Variants in KIAA0825 observed in about 807,000 individuals in gnomAD.
The protein encoded by KIAA0825 is KIAA0825.
A neutral mutation model predicts 147.6 loss-of-function variants in KIAA0825; 119 were observed. The ratio of observed to expected loss-of-function variants is 0.81; its 90% CI spans 0.69 to 0.94. The LOEUF is 0.94. Ranked by LOEUF, KIAA0825 falls within the 40% of genes least tolerant of loss-of-function variation. The pLI is 0.00. For synonymous variants in KIAA0825, 470 were observed against 518.1 expected (o/e 0.91, Z 1.26); for missense variants, 1,381 against 1,472.7 (o/e 0.94, Z 1.02).
chr5:94,387,003 A>G (rs1749242554), intron 18 of KIAA0825, among the ~76,000 whole-genome samples: 1 of 152,220 alleles, frequency 6.6e-6, no homozygotes, highest in Non-Finnish European at 1.5e-5. Context: ...GGCAAAAAAA[A>G]AGCCAATCTA....
At chr5:94,540,346 C>T (rs1584827230) in intron 2 of KIAA0825, among the ~76,000 whole-genome samples, 1 of 152,070 alleles carries the variant, frequency 6.6e-6, no homozygotes, top group African/African-American at 2.4e-5. Context: ...TCAAGATGGC[C>T]CAGCAAACTG....
intron 5 of KIAA0825, among the ~76,000 whole-genome samples, chr5:94,510,280 CT>C (rs1233925308): frequency 6.6e-6 from 1 of 152,118 alleles, no homozygotes; most frequent in African/African-American, 2.4e-5. Flanking sequence ...ATTACTTAGT[CT>C]TTTTTATTTC....
intron 20 of KIAA0825, among the ~76,000 whole-genome samples, chr5:94,255,353 C>T (rs1234739980): frequency 6.6e-6 from 1 of 151,630 alleles, no homozygotes; most frequent in Admixed American, 6.6e-5. Flanking sequence ...CCCTAGATAC[C>T]AAGCATGAAG....
chr5:94,379,324 C>T (rs2150500911), intron 20 of KIAA0825, among the ~76,000 whole-genome samples: 1 of 152,262 alleles, frequency 6.6e-6, no homozygotes, highest in South Asian at 2.1e-4. Context: ...TTGCGTATGG[C>T]TTGCCTGTTA....
intron 2 of KIAA0825, chr5:94,570,200 C>T (rs1779672744): frequency 6.6e-6 from 1 of 152,500 alleles, no homozygotes; most frequent in Non-Finnish European, 1.5e-5. Context: ...AATTACCTTC[C>T]ATCCTTACTA....
At chr5:94,255,097 C>T (rs896587811) in intron 20 of KIAA0825, among the ~76,000 whole-genome samples, 2 of 150,514 alleles carry the variant, frequency 1.3e-5, no homozygotes, top group African/African-American at 4.9e-5. Flanking sequence ...AGCACGAGGA[C>T]CATGTCTTAT....
chr5:94,156,521 T>C (rs1767044745), intron 20 of KIAA0825, among the ~76,000 whole-genome samples: 1 of 152,214 alleles, frequency 6.6e-6, no homozygotes, highest in Non-Finnish European at 1.5e-5. Context: ...TTTTGATCAT[T>C]GTGTCTACTT....
intron 1 of KIAA0825, among the ~76,000 whole-genome samples, chr5:94,609,789 G>A (rs907951682): frequency 3.3e-5 from 5 of 152,012 alleles, no homozygotes; most frequent in African/African-American, 4.8e-5. Context: ...ACTCCAGCCT[G>A]GGCAAGAGAG....
At chr5:94,562,078 T>A (rs1381168252) in intron 2 of KIAA0825, among the ~76,000 whole-genome samples, 1 of 152,184 alleles carries the variant, frequency 6.6e-6, no homozygotes, top group African/African-American at 2.4e-5. Flanking sequence ...AAATGCTTTT[T>A]AGTTTTCATC....
chr5:94,156,962 A>G (rs1372168381), intron 20 of KIAA0825, among the ~76,000 whole-genome samples: 1 of 152,062 alleles, frequency 6.6e-6, no homozygotes, highest in Non-Finnish European at 1.5e-5. Flanking sequence ...TGTTAACACA[A>G]TGCAAAAACA....
chr5:94,290,045 T>C (rs972791395), intron 20 of KIAA0825, among the ~76,000 whole-genome samples: 3 of 151,288 alleles, frequency 2.0e-5, no homozygotes, highest in South Asian at 2.1e-4. Flanking sequence ...ATTTTACTGA[T>C]TGAAAAAAAA....
chr5:94,610,212 G>A (rs927852442), intron 1 of KIAA0825, among the ~76,000 whole-genome samples: 14 of 151,398 alleles, frequency 9.2e-5, no homozygotes, highest in African/African-American at 3.4e-4. Flanking sequence ...TTGAGGTCAG[G>A]AGTTCGAGAC....
intron 13 of KIAA0825, among the ~76,000 whole-genome samples, chr5:94,448,420 A>G (rs568945040): frequency 6.6e-6 from 1 of 152,030 alleles, no homozygotes; most frequent in South Asian, 2.1e-4. Flanking sequence ...TTTTAATTCT[A>G]TTTGTGTCCT....
At chr5:94,195,406 CA>C (rs1282475874) in intron 20 of KIAA0825, among the ~76,000 whole-genome samples, 1 of 152,090 alleles carries the variant, frequency 6.6e-6, no homozygotes, top group African/African-American at 2.4e-5. Context: ...TCTTCTAAAA[CA>C]GTTTAATAGC....
intron 20 of KIAA0825, among the ~76,000 whole-genome samples, chr5:94,339,628 C>CA (rs1312862132): frequency 1.2e-4 from 18 of 152,278 alleles, no homozygotes; most frequent in Admixed American, 1.0e-3. Flanking sequence ...ACTCGGGAGA[C>CA]AATGTGAGAA....
chr5:94,574,786 C>T (rs555505168), intron 2 of KIAA0825, among the ~76,000 whole-genome samples: 1 of 152,120 alleles, frequency 6.6e-6, no homozygotes, highest in East Asian at 1.9e-4. Flanking sequence ...TACAGTGGTG[C>T]CAGTATAAGC....
intron 5 of KIAA0825, among the ~76,000 whole-genome samples, chr5:94,490,901 C>G (rs1164636499): frequency 1.3e-5 from 2 of 152,172 alleles, no homozygotes; most frequent in Non-Finnish European, 2.9e-5. Context: ...CACATTTGAT[C>G]TGCAACAAAG....
At chr5:94,554,378 G>C (rs1776129737) in intron 2 of KIAA0825, among the ~76,000 whole-genome samples, 1 of 151,932 alleles carries the variant, frequency 6.6e-6, no homozygotes, top group Non-Finnish European at 1.5e-5. Flanking sequence ...TTGTATTGCT[G>C]GTTTGGTTTG....
chr5:94,307,188 G>C (rs1778797059), intron 20 of KIAA0825, among the ~76,000 whole-genome samples: 1 of 151,666 alleles, frequency 6.6e-6, no homozygotes, highest in Non-Finnish European at 1.5e-5. Flanking sequence ...ATAAAAGATA[G>C]GTGCGGGAGG....
Sources: allele counts gnomAD v4.1 joint callset (sites outside exome capture counted in the v4.1 genomes callset), GRCh38; gene constraint gnomAD v4.1.1; transcripts MANE v1.5; gene names NCBI Gene and HGNC (gene_info 2026-07-23, HGNC 2026-07-21).